The following KCND2 variants were observed in gnomAD, a reference collection of about 807,000 sequenced individuals.
The protein encoded by KCND2 is potassium voltage-gated channel subfamily D member 2, also known as A-type voltage-gated potassium channel KCND2.
A neutral mutation model predicts 54.4 loss-of-function variants in KCND2; 16 were observed. The observed-to-expected ratio is 0.29, with a 90% confidence interval of 0.20 to 0.45. The LOEUF (loss-of-function observed/expected upper bound fraction) is 0.45, where lower values mean the gene tolerates loss of function less well. Among genes scored for constraint, KCND2 ranks in the 20% least tolerant of loss-of-function variants. The probability of loss-of-function intolerance (pLI) is 1.00; values close to 1 mark genes in which losing one functional copy is unlikely to be tolerated. For synonymous variants in KCND2, 317 were observed against 310.7 expected (o/e 1.02, Z -0.21); for missense variants, 486 against 824.2 (o/e 0.59, Z 5.02).
At chr7:120,702,755 G>T (rs1412118170) in intron 1 of KCND2, among the ~76,000 whole-genome samples, 1 of 152,132 alleles carries the variant, frequency 6.6e-6, no homozygotes, top group South Asian at 2.1e-4. Context: ...CACATAGAGG[G>T]GAACAACACA....
At chr7:120,298,916 G>C (rs551597606) in intron 1 of KCND2, among the ~76,000 whole-genome samples, 6 of 152,288 alleles carry the variant, frequency 3.9e-5, no homozygotes, top group African/African-American at 1.4e-4. Flanking sequence ...CCAGCACTTT[G>C]GAAGGCCGAG....
chr7:120,420,627 G>A (rs1373970918), intron 1 of KCND2, among the ~76,000 whole-genome samples: 1 of 152,010 alleles, frequency 6.6e-6, no homozygotes, highest in Middle Eastern at 3.2e-3. Context: ...AGGGGGAAGG[G>A]GTGTCTATGA....
chr7:120,392,588 T>G (rs1471740008), intron 1 of KCND2, among the ~76,000 whole-genome samples: 1 of 151,938 alleles, frequency 6.6e-6, no homozygotes, highest in Non-Finnish European at 1.5e-5. Context: ...ATGAATAATT[T>G]TGGCCTTATA....
At chr7:120,639,829 G>A (rs1048386466) in intron 1 of KCND2, among the ~76,000 whole-genome samples, 1 of 151,986 alleles carries the variant, frequency 6.6e-6, no homozygotes, top group African/African-American at 2.4e-5. Flanking sequence ...TCACACAAAA[G>A]GATTTTTCTA....
At position 120,531,691 on chromosome 7, in the gene KCND2, C is replaced by T. The variant is rs116348853; in HGVS notation, c.1116-201212C>T. The stretch of plus-strand genomic sequence containing the variant: ...GTAACATCAATGCTGCTCATACCAG[C>T]GGTCAGTTCTCAGACTTCACCTTAT... On this transcript the variant is annotated intron_variant, in intron 1 of 5. Coordinates refer to ENST00000331113, the MANE Select transcript of KCND2 (RefSeq NM_012281.3). 8.2e-3 allele frequency among the ~76,000 whole-genome samples: 1,253 copies of T among 152,178 alleles called. 19 individuals are homozygous for T. The highest frequency in any genetic ancestry group is 0.028 in the African/African-American group (1,169 of 41,536).
intron 1 of KCND2, among the ~76,000 whole-genome samples, chr7:120,463,320 T>C (rs1340870378): frequency 6.6e-6 from 1 of 152,008 alleles, no homozygotes; most frequent in African/African-American, 2.4e-5. Context: ...CCTCCTTCTT[T>C]AAAGTTATTT....
chr7:120,425,641 T>C (rs932164893), intron 1 of KCND2, among the ~76,000 whole-genome samples: 4 of 152,224 alleles, frequency 2.6e-5, no homozygotes, highest in Non-Finnish European at 4.4e-5. Flanking sequence ...ACTGGAATTC[T>C]CCCATTGCCT....
rs376349387 is a variant in KCND2, at chr7:120,726,780, A to G, written c.1116-6123A>G. ...ATTTTTTTGAACCAGCAACTGCCCT[A>G]TACAATGTACAGAATGCTCCTGAAC... is the stretch of plus-strand genomic sequence containing the variant. On this transcript the variant is annotated intron_variant, in intron 1 of 5. Transcript: ENST00000331113. 1.1e-4 allele frequency among the ~76,000 whole-genome samples: 16 copies of G among 152,352 alleles called. No homozygotes were observed. In the East Asian group the frequency reaches 2.5e-3, roughly 24 times the overall value.
chr7:120,349,977 A>G (rs1009060583), intron 1 of KCND2, among the ~76,000 whole-genome samples: 4 of 152,044 alleles, frequency 2.6e-5, no homozygotes, highest in Non-Finnish European at 4.4e-5. Context: ...TTTGATATGT[A>G]TATATACTAT....
chr7:120,647,131 T>C (rs1365742145), intron 1 of KCND2, among the ~76,000 whole-genome samples: 1 of 152,242 alleles, frequency 6.6e-6, no homozygotes, highest in Non-Finnish European at 1.5e-5. Context: ...GTTTCTGTTT[T>C]TTTCAGCCTA....
intron 1 of KCND2, among the ~76,000 whole-genome samples, chr7:120,416,410 C>T (rs1210545420): frequency 6.6e-6 from 1 of 152,180 alleles, no homozygotes; most frequent in African/African-American, 2.4e-5. Flanking sequence ...TCAAAAATCA[C>T]TTCTTCATAG....
chr7:120,583,555 G>A (rs1376812332), intron 1 of KCND2, among the ~76,000 whole-genome samples: 1 of 152,098 alleles, frequency 6.6e-6, no homozygotes, highest in African/African-American at 2.4e-5. Context: ...GTGCCTGTGA[G>A]GTCTCTCTCT....
chr7:120,560,784 A>C (rs1792223301), intron 1 of KCND2, among the ~76,000 whole-genome samples: 1 of 152,162 alleles, frequency 6.6e-6, no homozygotes, highest in African/African-American at 2.4e-5. Context: ...CATTTTAAGC[A>C]CTGAGTAATT....
At chr7:120,611,160 A>G (rs1527653) in intron 1 of KCND2, among the ~76,000 whole-genome samples, 141,014 of 152,254 alleles carry the variant, frequency 0.93, 65,884 homozygotes, top group Middle Eastern at 0.99. Flanking sequence ...CCCCGATGAC[A>G]AATATTTGGG....
intron 1 of KCND2, among the ~76,000 whole-genome samples, chr7:120,345,501 T>C (rs8180795): frequency 0.66 from 100,584 of 152,058 alleles, 38,098 homozygotes; most frequent in South Asian, 0.91. Context: ...ATTTGTCACC[T>C]TACAAAACCG....
At chr7:120,499,874 T>G (rs1035132727) in intron 1 of KCND2, among the ~76,000 whole-genome samples, 2 of 152,118 alleles carry the variant, frequency 1.3e-5, no homozygotes, top group African/African-American at 4.8e-5. Flanking sequence ...TTTATCCTAT[T>G]AGATGACTCA....
At chr7:120,384,436 C>A (rs902174316) in intron 1 of KCND2, among the ~76,000 whole-genome samples, 1 of 152,108 alleles carries the variant, frequency 6.6e-6, no homozygotes, top group African/African-American at 2.4e-5. Flanking sequence ...CTTCTCCTTG[C>A]GCTCCACCAG....
chr7:120,484,500 A>G (rs1311453772), intron 1 of KCND2, among the ~76,000 whole-genome samples: 1 of 150,636 alleles, frequency 6.6e-6, no homozygotes, highest in East Asian at 1.9e-4. Flanking sequence ...ATAATATAAT[A>G]TAATACAGAA....
intron 1 of KCND2, among the ~76,000 whole-genome samples, chr7:120,583,106 T>C (rs1416308827): frequency 6.6e-6 from 1 of 152,110 alleles, no homozygotes; most frequent in Non-Finnish European, 1.5e-5. Flanking sequence ...GTTAAGATGG[T>C]ATAGATACTT....
Sources: allele counts gnomAD v4.1 joint callset (sites outside exome capture counted in the v4.1 genomes callset), GRCh38; gene constraint gnomAD v4.1.1; transcripts MANE v1.5; gene names NCBI Gene and HGNC (gene_info 2026-07-23, HGNC 2026-07-21).